Variants in NCOA1 observed in about 807,000 individuals in gnomAD.
NCOA1 encodes the protein nuclear receptor coactivator 1, also known as Hin-2 protein.
Under a neutral mutation model 150.9 loss-of-function variants are expected in NCOA1, and 35 were observed. That is an observed-to-expected ratio of 0.23 (90% CI 0.18 to 0.31). The LOEUF is 0.31. NCOA1 is among the 10% of genes least tolerant of loss of function. The pLI is 1.00. For synonymous variants in NCOA1, 590 were observed against 630.0 expected (o/e 0.94, Z 0.95); for missense variants, 1,491 against 1,749.3 (o/e 0.85, Z 2.63).
chr2:24,751,941 T>C (rs1276265733), intron 19 of NCOA1, 41 bp from the exon 20 acceptor site: 14 of 1,547,774 alleles, frequency 9.0e-6, no homozygotes, highest in Non-Finnish European at 1.2e-5. Flanking sequence ...GTTAATAAAT[T>C]TATAGTGTAT....
At chr2:24,621,303 G>A (rs1486476979) in intron 3 of NCOA1, among the ~76,000 whole-genome samples, 1 of 151,376 alleles carries the variant, frequency 6.6e-6, no homozygotes, top group African/African-American at 2.4e-5. Context: ...TTATATATCT[G>A]GTATATTTAA....
At chr2:24,758,257 C>T (rs912505428) in intron 21 of NCOA1, 101 bp downstream of exon 21, 9 of 1,094,066 alleles carry the variant, frequency 8.2e-6, no homozygotes, top group South Asian at 4.8e-5. Flanking sequence ...AGCCACACTT[C>T]TTTATTCTTT....
At chr2:24,619,611 T>A (rs1319156595) in intron 3 of NCOA1, among the ~76,000 whole-genome samples, 2 of 152,060 alleles carry the variant, frequency 1.3e-5, no homozygotes, top group Admixed American at 1.3e-4. Flanking sequence ...AACTGACTGG[T>A]TGGTTAACTT....
intron 7 of NCOA1, among the ~76,000 whole-genome samples, chr2:24,682,472 T>G (rs1672219838): frequency 6.6e-6 from 1 of 152,168 alleles, no homozygotes; most frequent in Non-Finnish European, 1.5e-5. Flanking sequence ...TATGTCTTCT[T>G]TTGGAGACCC....
chr2:24,681,317 T>C (rs375349697), intron 7 of NCOA1, among the ~76,000 whole-genome samples: 45 of 152,148 alleles, frequency 3.0e-4, no homozygotes, highest in African/African-American at 9.4e-4. Context: ...TGGGCCAAGA[T>C]TGTGCCACTG....
At chr2:24,697,875 G>A in intron 11 of NCOA1, 77 bp downstream of exon 11, 1 of 1,356,728 alleles carries the variant, frequency 7.4e-7, no homozygotes, top group East Asian at 2.4e-5. Flanking sequence ...AGAACTTATG[G>A]CTTGATAAGT....
chr2:24,738,174 T>A (rs1281269569), intron 17 of NCOA1, among the ~76,000 whole-genome samples: 1 of 152,024 alleles, frequency 6.6e-6, no homozygotes, highest in Admixed American at 6.5e-5. Context: ...AATTAAGAGT[T>A]GAGCTATTTG....
At position 24,707,112 on chromosome 2, in the gene NCOA1, C is replaced by T. The variant is rs1469501111; in HGVS notation, c.1642C>T (p.Pro548Ser). Reference sequence around the variant, plus strand: ...ATCTTTACAGGGTATGAATGAAGGACCCAATAACTCCGTTGGCTTCTCTGC... The same window carrying T: ...ATCTTTACAGGGTATGAATGAAGGATCCAATAACTCCGTTGGCTTCTCTGC... ...VTSLQGMNEG[P>S]NNSVGFSASS... The change falls in exon 13 of 23, where the codon CCC (proline) becomes TCC (serine). Residue 548 changes from proline (P) to serine (S), a missense_variant. This residue lies in a region of NCOA1 where 703 missense variants were observed against 717.7 expected (regional missense o/e 0.98). Transcript: ENST00000348332. The T allele has an allele frequency of 1.2e-6, 2 of 1,614,074 alleles. No individual in the cohort carries two copies. Among genetic ancestry groups the T allele is most frequent in the Non-Finnish European group, 1.7e-6 (2 of 1,180,044 alleles).
chr2:24,496,712 C>G (rs1050487852), intron 1 of NCOA1, among the ~76,000 whole-genome samples: 1 of 152,082 alleles, frequency 6.6e-6, no homozygotes, highest in South Asian at 2.1e-4. Flanking sequence ...TTTAGGACAG[C>G]CTTCTTAATA....
At chr2:24,491,815 C>G (rs1295341785) in intron 1 of NCOA1, 2 of 151,684 alleles carry the variant, frequency 1.3e-5, no homozygotes, top group African/African-American at 4.8e-5. Flanking sequence ...CGGGCACCAG[C>G]TGGGGGCTGC....
intron 1 of NCOA1, among the ~76,000 whole-genome samples, chr2:24,559,820 G>GT (rs1425575920): frequency 6.6e-6 from 1 of 152,134 alleles, no homozygotes; most frequent in African/African-American, 2.4e-5. Flanking sequence ...TAGCAACATT[G>GT]TATCTTTCCC....
chr2:24,751,461 T>TA (rs2148678874), intron 19 of NCOA1, among the ~76,000 whole-genome samples: 1 of 151,380 alleles, frequency 6.6e-6, no homozygotes, highest in Non-Finnish European at 1.5e-5. Context: ...CAGGCGCCTG[T>TA]AATCCCAGCT....
chr2:24,636,049 C>G (rs1484722141), intron 3 of NCOA1, among the ~76,000 whole-genome samples: 1 of 152,066 alleles, frequency 6.6e-6, no homozygotes, highest in East Asian at 1.9e-4. Context: ...ATATAAAAAG[C>G]AAAAACCCAA....
intron 2 of NCOA1, among the ~76,000 whole-genome samples, chr2:24,578,615 T>A (rs908130274): frequency 6.6e-6 from 1 of 152,210 alleles, no homozygotes; most frequent in Non-Finnish European, 1.5e-5. Flanking sequence ...TAACTTTTTT[T>A]ATACTTACTG....
At chr2:24,603,999 C>T (rs1668244448) in intron 3 of NCOA1, among the ~76,000 whole-genome samples, 1 of 152,194 alleles carries the variant, frequency 6.6e-6, no homozygotes, top group Admixed American at 6.5e-5. Flanking sequence ...CCATGGGCTG[C>T]AGAGTGGATG....
Position 24,661,984 on chromosome 2 carries a change from T to G in NCOA1, c.89+3218T>G, listed in dbSNP as rs573146294. Among the ~76,000 whole-genome samples, 152 of 152,356 alleles carry G rather than the reference T, an allele frequency of 1.0e-3. 1 individual carries two copies. Among genetic ancestry groups the G allele is most frequent in the African/African-American group, 3.5e-3 (147 of 41,586 alleles). On this transcript the variant is annotated intron_variant, in intron 5 of 22. Transcript: ENST00000348332. ...AAAGATAATTATATTCACATTTGCT[T>G]TAAAAATATTTGAAAGTACCATCTC... is the stretch of plus-strand genomic sequence containing the variant.
chr2:24,570,033 A>C (rs1288900233), intron 2 of NCOA1, among the ~76,000 whole-genome samples: 1 of 149,968 alleles, frequency 6.7e-6, no homozygotes, highest in Non-Finnish European at 1.5e-5. Flanking sequence ...CTTAATTTCC[A>C]GCTTTAAGTG....
intron 1 of NCOA1, among the ~76,000 whole-genome samples, chr2:24,557,011 T>G (rs545658184): frequency 6.6e-6 from 1 of 150,576 alleles, no homozygotes; most frequent in East Asian, 1.9e-4. Flanking sequence ...TGTTGTTGGG[T>G]TGGGGGGGGT....
chr2:24,750,995 C>CT (rs200504475), intron 19 of NCOA1, among the ~76,000 whole-genome samples: 7,807 of 142,246 alleles, frequency 0.055, 285 homozygotes, highest in East Asian at 0.19. Context: ...TTTTCTTTTT[C>CT]TTTTTTTTTT....
Sources: gnomAD v4.1 joint callset for allele counts (sites outside exome capture counted in the v4.1 genomes callset) on GRCh38, gnomAD v4.1.1 for gene constraint, gnomAD v4.1.1 regional missense constraint, MANE v1.5 for transcripts, NCBI Gene and HGNC (gene_info 2026-07-23, HGNC 2026-07-21) for gene names.